Variants in KCNIP4 observed in about 807,000 individuals in gnomAD.
KCNIP4 encodes the protein potassium voltage-gated channel interacting protein 4.
KCNIP4 carries 12 observed loss-of-function variants against 34.0 expected under a neutral mutation model. That is an observed-to-expected ratio of 0.35 (90% CI 0.23 to 0.57). KCNIP4 has a LOEUF of 0.57. Ranked by LOEUF, KCNIP4 falls within the 20% of genes least tolerant of loss-of-function variation. The pLI is 0.83. For synonymous variants in KCNIP4, 124 were observed against 102.2 expected, an observed-to-expected ratio of 1.21 and a Z score of -1.29; for missense variants, 238 against 311.7, an observed-to-expected ratio of 0.76 and a Z score of 1.78.
chr4:20,743,081 A>G (rs1490419265), intron 5 of KCNIP4, among the ~76,000 whole-genome samples: 1 of 143,194 alleles, frequency 7.0e-6, no homozygotes, highest in Admixed American at 6.8e-5. Context: ...GTTCACCCTT[A>G]TGTGAACTAC....
At chr4:21,068,174 T>C (rs1744576022) in intron 1 of KCNIP4, among the ~76,000 whole-genome samples, 1 of 152,104 alleles carries the variant, frequency 6.6e-6, no homozygotes, top group South Asian at 2.1e-4. Flanking sequence ...GAACATGGCT[T>C]CCTGTTTTCT....
At chr4:21,647,748 C>T (rs1389348499) in intron 1 of KCNIP4, among the ~76,000 whole-genome samples, 2 of 150,882 alleles carry the variant, frequency 1.3e-5, no homozygotes, top group Non-Finnish European at 2.9e-5. Flanking sequence ...TTGTTCTCAA[C>T]ATTTCAGCTC....
chr4:21,234,235 A>G (rs1046639943), intron 1 of KCNIP4, among the ~76,000 whole-genome samples: 391 of 36,496 alleles, frequency 0.011, 23 homozygotes, highest in African/African-American at 0.041. Flanking sequence ...CATATATAAC[A>G]TATATATAAC....
intron 1 of KCNIP4, among the ~76,000 whole-genome samples, chr4:21,213,118 G>C (rs1414475922): frequency 1.3e-5 from 2 of 152,082 alleles, no homozygotes; most frequent in Admixed American, 6.6e-5. Context: ...CGGACGAGGT[G>C]CATGCTGTTT....
intron 1 of KCNIP4, among the ~76,000 whole-genome samples, chr4:20,970,719 C>A (rs1734845158): frequency 6.6e-6 from 1 of 152,104 alleles, no homozygotes; most frequent in South Asian, 2.1e-4. Flanking sequence ...AGAATCCCTG[C>A]CTAAAACAAA....
chr4:21,056,455 C>T (rs537533700), intron 1 of KCNIP4, among the ~76,000 whole-genome samples: 6 of 152,230 alleles, frequency 3.9e-5, no homozygotes, highest in South Asian at 2.1e-4. Context: ...CAAATTGTCA[C>T]GTATTTGTCC....
intron 1 of KCNIP4, among the ~76,000 whole-genome samples, chr4:21,078,152 G>C (rs1259940240): frequency 2.0e-5 from 3 of 151,842 alleles, no homozygotes; most frequent in Admixed American, 6.6e-5. Flanking sequence ...GGAGAGATGG[G>C]GCAGATATTA....
At chr4:21,680,628 C>T (rs529473905) in intron 1 of KCNIP4, among the ~76,000 whole-genome samples, 17 of 152,216 alleles carry the variant, frequency 1.1e-4, no homozygotes, top group Non-Finnish European at 2.2e-4. Flanking sequence ...GTCAAAATTA[C>T]TGTTTGATCC....
chr4:21,314,510 T>A (rs1260576961), intron 1 of KCNIP4, among the ~76,000 whole-genome samples: 1 of 152,248 alleles, frequency 6.6e-6, no homozygotes, highest in African/African-American at 2.4e-5. Context: ...CCACTGTAAC[T>A]GCTGAGTGGC....
rs527946833 is a variant in KCNIP4 at position 21,769,583 on chromosome 4, T to C, written c.61+178988A>G. ...GAAACTGTTCGAATTCCCTCTGTCA[T>C]GCAAGAAGATTTTATCTAGATATTT... On this transcript the variant is annotated intron_variant, in intron 1 of 8. Coordinates refer to ENST00000382152, the MANE Select transcript of KCNIP4 (RefSeq NM_025221.6). Among the ~76,000 whole-genome samples the C allele has an allele frequency of 3.9e-5, 6 of 152,266 alleles. No individual in the cohort carries two copies. The East Asian group carries it at 9.7e-4, about 25-fold the overall frequency.
At chr4:21,269,377 T>A (rs1246349590) in intron 1 of KCNIP4, among the ~76,000 whole-genome samples, 1 of 152,088 alleles carries the variant, frequency 6.6e-6, no homozygotes, top group African/African-American at 2.4e-5. Context: ...TTTCACTGAC[T>A]CCTTAATTTC....
intron 1 of KCNIP4, among the ~76,000 whole-genome samples, chr4:21,883,157 TTG>T (rs984668972): frequency 2.1e-4 from 26 of 123,256 alleles, no homozygotes; most frequent in African/African-American, 2.8e-4. Context: ...TTCTGAGTTG[TTG>T]TTTTTTTTTT....
chr4:20,949,156 T>TC (rs1157366589), intron 1 of KCNIP4, among the ~76,000 whole-genome samples: 1 of 152,218 alleles, frequency 6.6e-6, no homozygotes, highest in Non-Finnish European at 1.5e-5. Context: ...CAGCGACTGC[T>TC]CGCATGAGAG....
chr4:21,230,998 A>G (rs1411978087), intron 1 of KCNIP4, among the ~76,000 whole-genome samples: 3 of 152,104 alleles, frequency 2.0e-5, no homozygotes, highest in African/African-American at 7.2e-5. Flanking sequence ...AAGCGTTCCT[A>G]TTGGGGAATA....
At chr4:20,957,467 T>C (rs972025349) in intron 1 of KCNIP4, among the ~76,000 whole-genome samples, 2 of 152,154 alleles carry the variant, frequency 1.3e-5, no homozygotes, top group Admixed American at 1.3e-4. Flanking sequence ...GCTTGTTAAG[T>C]AGCTGATCAG....
At chr4:20,973,003 T>C (rs2149679902) in intron 1 of KCNIP4, among the ~76,000 whole-genome samples, 1 of 152,332 alleles carries the variant, frequency 6.6e-6, no homozygotes, top group Non-Finnish European at 1.5e-5. Context: ...TGGAATCGAA[T>C]CCTGGTGAAG....
At chr4:21,132,853 C>CAAAAAAAAAAAAAAAAAA (rs71189683) in intron 1 of KCNIP4, among the ~76,000 whole-genome samples, 1 of 116,702 alleles carries the variant, frequency 8.6e-6, no homozygotes, top group Non-Finnish European at 1.8e-5. Flanking sequence ...TACTAAACGA[C>CAAAAAAAAAAAAAAAAAA]AAAAAAAAAA....
chr4:20,909,930 C>T (rs1414168923), intron 1 of KCNIP4, among the ~76,000 whole-genome samples: 8 of 152,176 alleles, frequency 5.3e-5, no homozygotes, highest in Admixed American at 2.0e-4. Flanking sequence ...CTGCCAGCAC[C>T]GATATCACTG....
intron 1 of KCNIP4, among the ~76,000 whole-genome samples, chr4:21,550,362 T>C (rs1738477244): frequency 6.6e-6 from 1 of 152,112 alleles, no homozygotes; most frequent in African/African-American, 2.4e-5. Context: ...ACATTAATAA[T>C]GGGCACTGGA....
Sources: allele counts gnomAD v4.1 joint callset (sites outside exome capture counted in the v4.1 genomes callset), GRCh38; gene constraint gnomAD v4.1.1; transcripts MANE v1.5; gene names NCBI Gene and HGNC (gene_info 2026-07-23, HGNC 2026-07-21).